P4HB: variants seen among roughly 807,000 people sequenced by gnomAD.
The protein encoded by P4HB is protein disulfide-isomerase.
Under a neutral mutation model 52.6 loss-of-function variants are expected in P4HB, and 20 were observed. The ratio of observed to expected loss-of-function variants is 0.38; its 90% CI spans 0.27 to 0.55. The LOEUF (loss-of-function observed/expected upper bound fraction) is 0.55. P4HB is among the 20% of genes least tolerant of loss of function. The pLI is 0.74. For synonymous variants in P4HB, 296 were observed against 277.9 expected, an observed-to-expected ratio of 1.07 and a Z score of -0.65; for missense variants, 601 against 669.2, an observed-to-expected ratio of 0.90 and a Z score of 1.12.
intron 1 of P4HB, chr17:81,859,767 C>G: frequency 3.2e-6 from 1 of 309,326 alleles, no homozygotes. Context: ...CGGCCTGTAC[C>G]AGCACTAGCT....
rs933884098 is a variant in P4HB at position 81,855,330 on chromosome 17, A to G, written c.487-51T>C. The G allele has an allele frequency of 1.2e-6, 2 of 1,612,222 alleles. No individual in the cohort carries two copies. Among genetic ancestry groups the G allele is most frequent in the Non-Finnish European group, 1.7e-6 (2 of 1,179,006 alleles). ...TCGTCATGATCCCGCAGCACCAAGC[A>G]GTAGGGCAGACCCTGTAGAGCCCAG... is the stretch of plus-strand genomic sequence containing the variant. On this transcript the variant is annotated intron_variant, in intron 3 of 10. Transcript: ENST00000331483. The surrounding 1 kb of genome is among the most constrained non-coding windows in gnomAD (Gnocchi z 4.3).
At chr17:81,848,476 C>A (rs1232605225) in intron 4 of P4HB, among the ~76,000 whole-genome samples, 1 of 152,182 alleles carries the variant, frequency 6.6e-6, no homozygotes, top group Non-Finnish European at 1.5e-5. Flanking sequence ...TGGCTCAGGC[C>A]TGTAAGCCCA....
rs746552702 is a variant in P4HB at position 81,855,303 on chromosome 17, GGTC to G, written c.487-27_487-25del. ...TCCTGAATGAGGAGGGAGAAGCAGA[GGTC>G]GTCATGATCCCGCAGCACCAAGCAG... On this transcript the variant is annotated intron_variant, in intron 3 of 10. Transcript: ENST00000331483. The surrounding 1 kb of genome is among the most constrained non-coding windows in gnomAD (Gnocchi z 4.3). 6 of 1,613,570 alleles carry G rather than the reference GGTC, an allele frequency of 3.7e-6. No homozygotes were observed. Among genetic ancestry groups the G allele is most frequent in the Non-Finnish European group, 4.2e-6 (5 of 1,179,952 alleles).
chr17:81,847,204 C>T (rs912992738), intron 5 of P4HB, 39 bp downstream of exon 5: 1 of 1,606,104 alleles, frequency 6.2e-7, no homozygotes, highest in African/African-American at 1.3e-5. Flanking sequence ...CAACCCACTC[C>T]TCCCCATCCC....
At chr17:81,847,684 TTTTA>T (rs889169845) in intron 4 of P4HB, 12 of 318,978 alleles carry the variant, frequency 3.8e-5, no homozygotes, top group Admixed American at 3.2e-4. Flanking sequence ...CTATTTTCTT[TTTTA>T]TTTGTTTTTG....
In P4HB at chr17:81,855,855, T is replaced by TC; in HGVS notation, c.353-270dup. ...AACAGGATCACAAACCCATTTTTTT[T>TC]CTCTGATCTCTCTGCATTTTCTTTT... On this transcript the variant is annotated intron_variant, in intron 2 of 10. Transcript: ENST00000331483. This position sits in a 1 kb window ranked among gnomAD's most constrained non-coding sequence, Gnocchi z 4.3. 1 of 394,018 alleles carries TC rather than the reference T, an allele frequency of 2.5e-6. No homozygotes were observed. Among genetic ancestry groups the TC allele is most frequent in the Non-Finnish European group, 4.5e-6 (1 of 220,680 alleles). The allele number at this position is 394,018 out of a possible 1,614,324, so 24.4% of individuals were successfully genotyped here.
rs896133007 is a variant in P4HB, at chr17:81,843,532, G to A, written c.*480C>T. 2 of 413,648 alleles carry A rather than the reference G, an allele frequency of 4.8e-6. No homozygotes were observed. Among genetic ancestry groups the A allele is most frequent in the South Asian group, 1.0e-4 (1 of 10,034 alleles). 25.6% of individuals were successfully genotyped at this position (413,648 alleles called of 1,614,324 possible). On this transcript the variant is annotated 3_prime_UTR_variant, in exon 11 of 11. Coordinates refer to ENST00000331483, the MANE Select transcript of P4HB (RefSeq NM_000918.4). ...GATCAGTCATGGCGACACTGCAGGC[G>A]GTACTGAGTGACCATGTCCAGTCCG...
At chr17:81,849,068 A>T (rs997881121) in intron 4 of P4HB, among the ~76,000 whole-genome samples, 1 of 151,340 alleles carries the variant, frequency 6.6e-6, no homozygotes, top group Admixed American at 6.6e-5. Flanking sequence ...AAATACAAAA[A>T]TACAAAAATC....
At chr17:81,844,992 G>C (rs2038710532) in intron 10 of P4HB, 152 bp downstream of exon 10, 9 of 628,064 alleles carry the variant, frequency 1.4e-5, no homozygotes, top group South Asian at 1.1e-4. Context: ...CCCTTGCCCT[G>C]CTGGGCGAAG....
At position 81,854,629 on chromosome 17, in the gene P4HB, G is replaced by A. The variant is rs989409321; in HGVS notation, c.624+513C>T. On this transcript the variant is annotated intron_variant, in intron 4 of 10. Transcript: ENST00000331483. ...TGGGAGGCTGAGGTGGGTGGATCAC[G>A]AGGTCAAGAGATTGATACCATCCTG... Among the ~76,000 whole-genome samples, 5 of 151,788 alleles carry A rather than the reference G, an allele frequency of 3.3e-5. No homozygotes were observed. In the South Asian group the frequency reaches 1.0e-3, roughly 31 times the overall value.
At position 81,847,277 on chromosome 17, in the gene P4HB, TTG is replaced by T. The variant is rs1567836882; in HGVS notation, c.693_694del (p.His231GlnfsTer21). 6.2e-7 allele frequency: 1 copy of T among 1,614,076 alleles called. No individual in the cohort carries two copies. Among genetic ancestry groups the T allele is most frequent in the Non-Finnish European group, 8.5e-7 (1 of 1,180,024 alleles). ...GAACTCGATGACAAGGGGCAGCTGGTTGTGTTTGATAAAGTCCAGCAGGTTCT... is the reference window on the plus strand; with the variant it reads ...GAACTCGATGACAAGGGGCAGCTGGTTGTTTGATAAAGTCCAGCAGGTTCT... On this transcript the variant is annotated frameshift_variant, in exon 5 of 11. Coordinates refer to ENST00000331483, the MANE Select transcript of P4HB (RefSeq NM_000918.4). LOFTEE classifies it high-confidence loss of function.
At chr17:81,844,750 G>A (rs558244094) in intron 10 of P4HB, among the ~76,000 whole-genome samples, 9 of 152,346 alleles carry the variant, frequency 5.9e-5, no homozygotes, top group Admixed American at 2.0e-4. Flanking sequence ...ACGCGCTGAC[G>A]GGCAGGACTA....
intron 4 of P4HB, 183 bp from the exon 5 acceptor site, chr17:81,847,530 G>A (rs1277849658): frequency 1.6e-6 from 1 of 620,742 alleles, no homozygotes; most frequent in Non-Finnish European, 2.9e-6. Flanking sequence ...ACTGGCTCTG[G>A]TCACGGCCTT....
intron 4 of P4HB, among the ~76,000 whole-genome samples, chr17:81,854,601 C>T (rs978709729): frequency 4.4e-4 from 66 of 151,140 alleles, no homozygotes; most frequent in African/African-American, 1.3e-3. Flanking sequence ...AATCCCAGCA[C>T]TTTGGGAGGC....
intron 1 of P4HB, 45 bp downstream of exon 1, chr17:81,860,282 C>T: frequency 2.2e-6 from 3 of 1,367,876 alleles, no homozygotes; most frequent in Non-Finnish European, 1.9e-6. Context: ...AAGAGCCTGG[C>T]TCAGCGGCCC....
At position 81,846,133 on chromosome 17, in the gene P4HB, G is replaced by T. The variant is rs1228028112; in HGVS notation, c.1057-142C>A. On this transcript the variant is annotated intron_variant, in intron 7 of 10. Transcript: ENST00000331483. This position sits in a 1 kb window ranked among gnomAD's most constrained non-coding sequence, Gnocchi z 5.7. ...CAGCCGCAGACACCAACAGTGCCAA[G>T]AATCCAGAAAGAGAAGGCTGGGCCA... 1.7e-6 allele frequency: 2 copies of T among 1,148,974 alleles called. No individual in the cohort carries two copies. Among genetic ancestry groups the T allele is most frequent in the Non-Finnish European group, 2.4e-6 (2 of 838,122 alleles). The allele number at this position is 1,148,974 out of a possible 1,614,324, so 71.2% of individuals were successfully genotyped here.
At chr17:81,853,386 C>T (rs746291859) in intron 4 of P4HB, among the ~76,000 whole-genome samples, 2 of 152,108 alleles carry the variant, frequency 1.3e-5, no homozygotes, top group African/African-American at 2.4e-5. Context: ...CCCTGGCTAA[C>T]ACGGTGAAAC....
chr17:81,846,216 C>T lies in P4HB; in HGVS notation c.1056+213G>A, dbSNP rs2038733434. ...CACCCTCGCCGGCCAGGAGGTTTCC[C>T]TGAGGAGCATCTGGGCCAGCCGTGT... On this transcript the variant is annotated intron_variant, in intron 7 of 10. Transcript: ENST00000331483. This position sits in a 1 kb window ranked among gnomAD's most constrained non-coding sequence, Gnocchi z 5.7. The T allele has an allele frequency of 4.1e-6, 3 of 733,300 alleles. No homozygotes were observed. The highest frequency in any genetic ancestry group is 2.9e-5 in the Admixed American group (1 of 34,336). The allele number at this position is 733,300 out of a possible 1,614,324, so 45.4% of individuals were successfully genotyped here.
chr17:81,849,686 G>A (rs917513671), intron 4 of P4HB, among the ~76,000 whole-genome samples: 2 of 152,176 alleles, frequency 1.3e-5, no homozygotes, highest in Non-Finnish European at 2.9e-5. Flanking sequence ...CCCCAACCAC[G>A]AGGGGTCAGC....
Sources: allele counts gnomAD v4.1 joint callset (sites outside exome capture counted in the v4.1 genomes callset), GRCh38; gene constraint gnomAD v4.1.1; non-coding constraint Gnocchi (gnomAD v3.1); transcripts MANE v1.5; gene names NCBI Gene and HGNC (gene_info 2026-07-23, HGNC 2026-07-21).